CTDSPL2: variants seen among roughly 807,000 people sequenced by gnomAD.
CTDSPL2 encodes the protein CTD small phosphatase like 2.
Under a neutral mutation model 60.0 loss-of-function variants are expected in CTDSPL2, and 5 were observed. That is an observed-to-expected ratio of 0.08 (90% CI 0.04 to 0.18). The LOEUF (loss-of-function observed/expected upper bound fraction) is 0.18. CTDSPL2 is among the 10% of genes least tolerant of loss of function. The pLI, the probability that CTDSPL2 is intolerant of heterozygous loss-of-function variation, is 1.00. For missense variants in CTDSPL2, 370 were observed against 548.8 expected (o/e 0.67, Z 3.26); for synonymous variants, 186 against 189.3 (o/e 0.98, Z 0.14).
intron 5 of CTDSPL2, among the ~76,000 whole-genome samples, chr15:44,494,534 G>C (rs1231496204): frequency 2.6e-5 from 4 of 151,990 alleles, no homozygotes; most frequent in Non-Finnish European, 4.4e-5. Context: ...CTGGAGCCCA[G>C]GTCGAGTCCA....
chr15:44,463,130 T>C (rs149705906), intron 2 of CTDSPL2, among the ~76,000 whole-genome samples: 1,644 of 152,222 alleles, frequency 0.011, 35 homozygotes, highest in African/African-American at 0.038. Context: ...AAAATCTGTT[T>C]GTAAGCTAAT....
At position 44,506,921 on chromosome 15, in the gene CTDSPL2, T is replaced by C. The variant is rs567648448; in HGVS notation, c.969+7108T>C. On this transcript the variant is annotated intron_variant, in intron 8 of 12. Coordinates refer to ENST00000260327, the MANE Select transcript of CTDSPL2 (RefSeq NM_016396.3). ...AGCTGGGACTACAGGCGCCTGCCACTACACCCGGCTAATTTTTTTGTATTT... is the reference window on the plus strand; with the variant it reads ...AGCTGGGACTACAGGCGCCTGCCACCACACCCGGCTAATTTTTTTGTATTT... 1.6e-3 allele frequency among the ~76,000 whole-genome samples: 237 copies of C among 149,912 alleles called. 1 individual carries two copies. Among genetic ancestry groups the C allele is most frequent in the African/African-American group, 5.6e-3 (227 of 40,676 alleles).
At chr15:44,464,287 A>G (rs2140716333) in intron 2 of CTDSPL2, among the ~76,000 whole-genome samples, 1 of 152,306 alleles carries the variant, frequency 6.6e-6, no homozygotes, top group East Asian at 1.9e-4. Context: ...TTACTTTTAT[A>G]TTACAAATGA....
chr15:44,431,721 T>G lies in CTDSPL2; in HGVS notation c.-25+3949T>G, dbSNP rs866884258. Among the ~76,000 whole-genome samples the G allele has an allele frequency of 4.7e-3, 649 of 138,822 alleles. 3 individuals carry two copies. Among genetic ancestry groups the G allele is most frequent in the African/African-American group, 0.017 (570 of 34,252 alleles). The allele number at this position is 138,822 out of a possible 152,430, so 91.1% of individuals were successfully genotyped here. ...GTTTGTTTGTTTGTTTGTTTGTTTT[T>G]TTTTTTTTTTTTTTGAGACAGAGTT... On this transcript the variant is annotated intron_variant, in intron 1 of 12. Transcript: ENST00000260327.
In CTDSPL2 at chr15:44,525,879, T is replaced by C. The variant is rs1288866334; in HGVS notation, c.*1705T>C. The C allele has an allele frequency of 6.3e-6, 1 of 157,708 alleles. No homozygotes were observed. Among genetic ancestry groups the C allele is most frequent in the Non-Finnish European group, 1.4e-5 (1 of 71,626 alleles). 9.8% of individuals were successfully genotyped at this position (157,708 alleles called of 1,614,324 possible). On this transcript the variant is annotated 3_prime_UTR_variant, in exon 13 of 13. Transcript: ENST00000260327. ...TCTGTTGTGTATGTAGTTAGCATATTGTGTCACTGAACTGTTTAAAAATCT... is the reference window on the plus strand; with the variant it reads ...TCTGTTGTGTATGTAGTTAGCATATCGTGTCACTGAACTGTTTAAAAATCT...
chr15:44,497,233 T>A, intron 7 of CTDSPL2, 95 bp downstream of exon 7: 1 of 714,634 alleles, frequency 1.4e-6, no homozygotes, highest in Non-Finnish European at 2.3e-6. Context: ...TTTGTCAGGA[T>A]CATGTTTTCC....
chr15:44,522,822 A>AT (rs1279801824), intron 12 of CTDSPL2, among the ~76,000 whole-genome samples: 1 of 152,250 alleles, frequency 6.6e-6, no homozygotes, highest in Non-Finnish European at 1.5e-5. Flanking sequence ...TCTAGAATTA[A>AT]TGCTTATGCT....
intron 7 of CTDSPL2, 56 bp from the exon 8 acceptor site, chr15:44,499,671 C>T: frequency 2.0e-6 from 2 of 990,862 alleles, no homozygotes; most frequent in Non-Finnish European, 1.6e-6. Flanking sequence ...ATAAAAGTAT[C>T]CTTTGAAGTT....
chr15:44,502,382 A>C, intron 8 of CTDSPL2, among the ~76,000 whole-genome samples: 1 of 152,074 alleles, frequency 6.6e-6, no homozygotes, highest in African/African-American at 2.4e-5. Context: ...ACCTATAACT[A>C]ATTTTAACTC....
At chr15:44,501,785 G>A (rs1595764391) in intron 8 of CTDSPL2, among the ~76,000 whole-genome samples, 4 of 152,224 alleles carry the variant, frequency 2.6e-5, no homozygotes, top group Admixed American at 2.6e-4. Context: ...TTACTTTTTA[G>A]TAAATTTTTG....
At chr15:44,497,616 C>T (rs868355991) in intron 7 of CTDSPL2, among the ~76,000 whole-genome samples, 2 of 152,130 alleles carry the variant, frequency 1.3e-5, no homozygotes, top group African/African-American at 2.4e-5. Context: ...ATGATCCGCC[C>T]GCCTCGGCCT....
At position 44,499,311 on chromosome 15, in the gene CTDSPL2, A is replaced by G. The variant is rs187139557; in HGVS notation, c.883-416A>G. Among the ~76,000 whole-genome samples the G allele has an allele frequency of 2.9e-3, 445 of 152,332 alleles. 3 individuals are homozygous for G. The highest frequency in any genetic ancestry group is 0.01 in the African/African-American group (423 of 41,576). ...TCCCAGCTACTCAGGAGGCTGAGGC[A>G]GGAGAATCGTTTGAACCCAGGAGGT... On this transcript the variant is annotated intron_variant, in intron 7 of 12. Transcript: ENST00000260327.
intron 1 of CTDSPL2, among the ~76,000 whole-genome samples, chr15:44,441,731 A>G (rs1026316320): frequency 6.6e-6 from 1 of 151,806 alleles, no homozygotes; most frequent in Non-Finnish European, 1.5e-5. Context: ...AAAAGGTTCA[A>G]TTTTGTAGTT....
intron 2 of CTDSPL2, 109 bp downstream of exon 2, chr15:44,459,309 C>T (rs186797277): frequency 0.02 from 13,136 of 660,844 alleles, 153 homozygotes; most frequent in Non-Finnish European, 0.024. Context: ...AGGTGGATCA[C>T]GAGGTCAGGA....
chr15:44,449,134 G>T, intron 1 of CTDSPL2: 1 of 313,888 alleles, frequency 3.2e-6, no homozygotes, highest in Non-Finnish European at 6.4e-6. Context: ...AAGATACTAG[G>T]TGGGATAGTA....
chr15:44,490,952 T>C lies in CTDSPL2; in HGVS notation c.644T>C (p.Leu215Ser). The C allele has an allele frequency of 6.2e-7, 1 of 1,614,112 alleles. No homozygotes were observed. Residue 215 changes from leucine to serine, a missense_variant, in exon 5 of 13, where the codon TTA (leucine) becomes TCA (serine). Physicochemically the swap from Leu to Ser is moderately radical, Grantham distance 145. Transcript: ENST00000260327. ...VQVRPSLNNG[L>S]EEAEETVNRD... ...GTGAGACCATCACTAAACAATGGTTTAGAAGAAGCAGAAGAAACAGTTAAT... is the reference window on the plus strand; with the variant it reads ...GTGAGACCATCACTAAACAATGGTTCAGAAGAAGCAGAAGAAACAGTTAAT...
At chr15:44,523,247 T>C (rs1475885020) in intron 12 of CTDSPL2, among the ~76,000 whole-genome samples, 1 of 152,122 alleles carries the variant, frequency 6.6e-6, no homozygotes, top group African/African-American at 2.4e-5. Flanking sequence ...TCTACCTGCG[T>C]TGGCTTCCCA....
intron 7 of CTDSPL2, among the ~76,000 whole-genome samples, chr15:44,499,051 A>G (rs575085648): frequency 6.6e-6 from 1 of 152,166 alleles, no homozygotes; most frequent in Non-Finnish European, 1.5e-5. Flanking sequence ...AAAGTTGGCA[A>G]CTGCAGAACT....
rs746469088 is a variant in CTDSPL2 at position 44,527,434 on chromosome 15, C to G, written c.*3260C>G. ...CTTGCCTGAAAAACAGAGACTTCAT[C>G]TCATCAATGAAGAAAGCATTTCATT... On this transcript the variant is annotated 3_prime_UTR_variant, in exon 13 of 13. Coordinates refer to ENST00000260327, the MANE Select transcript of CTDSPL2 (RefSeq NM_016396.3). 1 of 152,106 alleles carries G rather than the reference C, an allele frequency of 6.6e-6. No homozygotes were observed. Among genetic ancestry groups the G allele is most frequent in the Non-Finnish European group, 1.5e-5 (1 of 67,974 alleles). The allele number at this position is 152,106 out of a possible 1,614,324, so 9.4% of individuals were successfully genotyped here. A position where few individuals can be genotyped will look rare whatever the true frequency, so the allele number is the denominator to read the frequency against.
Sources: allele counts gnomAD v4.1 joint callset (sites outside exome capture counted in the v4.1 genomes callset), GRCh38; gene constraint gnomAD v4.1.1; transcripts MANE v1.5; gene names NCBI Gene and HGNC (gene_info 2026-07-23, HGNC 2026-07-21).